NBEA: variants seen among roughly 807,000 people sequenced by gnomAD.
NBEA encodes lysosomal-trafficking regulator 2.
Under a neutral mutation model 343.4 loss-of-function variants are expected in NBEA, and 44 were observed. The ratio of observed to expected loss-of-function variants is 0.13; its 90% CI spans 0.10 to 0.16. The LOEUF is 0.16. Ranked by LOEUF, NBEA falls within the 10% of genes least tolerant of loss-of-function variation. The pLI is 1.00. For synonymous variants in NBEA, 1,175 were observed against 1,238.7 expected, an observed-to-expected ratio of 0.95 and a Z score of 1.08; for missense variants, 2,555 against 3,631.3, an observed-to-expected ratio of 0.70 and a Z score of 7.62.
chr13:35,613,608 T>G (rs1411242910), intron 48 of NBEA, among the ~76,000 whole-genome samples: 1 of 150,840 alleles, frequency 6.6e-6, no homozygotes, highest in Non-Finnish European at 1.5e-5. Flanking sequence ...TTTTAGTTGT[T>G]TTTGTTTGTT....
intron 38 of NBEA, among the ~76,000 whole-genome samples, chr13:35,363,476 A>G (rs751295766): frequency 7.2e-5 from 11 of 151,758 alleles, no homozygotes; most frequent in African/African-American, 1.2e-4. Context: ...AACTACTTGA[A>G]CCCTGATTAC....
chr13:35,669,158 A>G (rs1011345280), intron 58 of NBEA, among the ~76,000 whole-genome samples: 8 of 152,178 alleles, frequency 5.3e-5, no homozygotes, highest in African/African-American at 1.9e-4. Flanking sequence ...ATTGTTCCTC[A>G]ATTTGCAATA....
intron 35 of NBEA, among the ~76,000 whole-genome samples, chr13:35,304,359 A>G (rs80239457): frequency 0.017 from 2,305 of 139,184 alleles, 46 homozygotes; most frequent in African/African-American, 0.058. Context: ...GTGTGTGTGT[A>G]TATCTGTGTG....
At chr13:34,947,467 T>C (rs1281862235) in intron 1 of NBEA, among the ~76,000 whole-genome samples, 1 of 152,168 alleles carries the variant, frequency 6.6e-6, no homozygotes, top group Non-Finnish European at 1.5e-5. Context: ...CTGGTATAGC[T>C]GTATTATAAA....
At chr13:35,661,447 C>T (rs1431909121) in intron 55 of NBEA, among the ~76,000 whole-genome samples, 1 of 152,202 alleles carries the variant, frequency 6.6e-6, no homozygotes, top group African/African-American at 2.4e-5. Context: ...TATCTGTCTT[C>T]CATTCTTCAC....
chr13:35,650,344 C>G (rs749078599), intron 52 of NBEA, among the ~76,000 whole-genome samples: 14 of 152,186 alleles, frequency 9.2e-5, no homozygotes, highest in Non-Finnish European at 1.6e-4. Flanking sequence ...TCTATTTTTG[C>G]AGAGCTTAGA....
intron 32 of NBEA, among the ~76,000 whole-genome samples, chr13:35,209,745 T>C (rs7335986): frequency 0.02 from 3,080 of 152,192 alleles, 69 homozygotes; most frequent in African/African-American, 0.053. Context: ...GTGCTTTCTG[T>C]ATCTATCTTG....
At chr13:35,256,927 A>T (rs1006575200) in intron 34 of NBEA, among the ~76,000 whole-genome samples, 2 of 152,100 alleles carry the variant, frequency 1.3e-5, no homozygotes, top group African/African-American at 4.8e-5. Flanking sequence ...CTGCAGTTGC[A>T]CCCGGGAGCC....
At chr13:35,344,772 G>A (rs556341510) in intron 36 of NBEA, among the ~76,000 whole-genome samples, 2 of 152,028 alleles carry the variant, frequency 1.3e-5, no homozygotes, top group African/African-American at 4.8e-5. Context: ...ATTTCTTCCT[G>A]TAGAGAAAAC....
At chr13:35,652,670 A>G (rs1208176087) in intron 53 of NBEA, among the ~76,000 whole-genome samples, 2 of 142,426 alleles carry the variant, frequency 1.4e-5, no homozygotes, top group East Asian at 4.5e-4. Context: ...AATATTGAAG[A>G]ACATCTTTTC....
Position 35,171,319 on chromosome 13 carries a change from A to T in NBEA, c.4290A>T (p.Thr1430=). Residue 1430 remains threonine (T), a synonymous_variant, in exon 26 of 59, where the codon ACA becomes ACT. Transcript: ENST00000379939. ...IEVTQGMSAE[T]AVTFLSRLMA... ...TGACACAAGGCATGTCAGCTGAGAC[A>T]GCAGTAACTTTCCTCAGCCGGCTGA... The T allele has an allele frequency of 6.2e-7, 1 of 1,612,548 alleles. No homozygotes were observed. Among genetic ancestry groups the T allele is most frequent in the South Asian group, 1.1e-5 (1 of 90,992 alleles).
intron 38 of NBEA, among the ~76,000 whole-genome samples, chr13:35,423,007 C>A (rs539307752): frequency 6.6e-6 from 1 of 152,014 alleles, no homozygotes; most frequent in Admixed American, 6.5e-5. Context: ...TTGTTTTTTT[C>A]TTGTAAATTT....
chr13:35,331,943 CT>C (rs1437890683), intron 36 of NBEA, among the ~76,000 whole-genome samples: 1 of 151,738 alleles, frequency 6.6e-6, no homozygotes, highest in Non-Finnish European at 1.5e-5. Context: ...TTTTATTTAC[CT>C]TGTTTTTTCC....
intron 23 of NBEA, among the ~76,000 whole-genome samples, chr13:35,163,496 G>A (rs768198647): frequency 2.0e-5 from 3 of 151,870 alleles, no homozygotes; most frequent in Non-Finnish European, 4.4e-5. Flanking sequence ...AACTAGGCGT[G>A]GTGGTGTCCA....
intron 49 of NBEA, among the ~76,000 whole-genome samples, chr13:35,629,496 C>A (rs1054587107): frequency 3.9e-5 from 6 of 151,972 alleles, no homozygotes; most frequent in African/African-American, 1.5e-4. Context: ...ACCCTTAGGG[C>A]AAAATATTCT....
chr13:35,454,583 A>T (rs556993695), intron 40 of NBEA, among the ~76,000 whole-genome samples: 3 of 152,104 alleles, frequency 2.0e-5, no homozygotes, highest in African/African-American at 7.2e-5. Context: ...AACCCAGGCC[A>T]GGAGTGGTTG....
chr13:35,441,093 CTT>C (rs974512733), intron 39 of NBEA, among the ~76,000 whole-genome samples: 2 of 152,146 alleles, frequency 1.3e-5, no homozygotes, highest in Non-Finnish European at 2.9e-5. Flanking sequence ...ATTAAAGAGA[CTT>C]TTAAAATTTT....
At chr13:35,059,136 TGTA>T (rs546511763) in intron 8 of NBEA, among the ~76,000 whole-genome samples, 63 of 152,004 alleles carry the variant, frequency 4.1e-4, no homozygotes, top group Non-Finnish European at 2.5e-4. Flanking sequence ...TTTTGCTTAA[TGTA>T]GTATTTAAAA....
chr13:35,272,682 CAAA>C (rs1049106476), intron 34 of NBEA, among the ~76,000 whole-genome samples: 1 of 150,686 alleles, frequency 6.6e-6, no homozygotes, highest in Non-Finnish European at 1.5e-5. Context: ...AAATGGAAAG[CAAA>C]AAAAAGCAGG....
Sources: allele counts gnomAD v4.1 joint callset (sites outside exome capture counted in the v4.1 genomes callset), GRCh38; gene constraint gnomAD v4.1.1; transcripts MANE v1.5; gene names NCBI Gene and HGNC (gene_info 2026-07-23, HGNC 2026-07-21).